RAPGEF2: variants seen among roughly 807,000 people sequenced by gnomAD.
RAPGEF2 encodes the protein PDZ domain containing guanine nucleotide exchange factor (GEF) 1.
Under a neutral mutation model 186.7 loss-of-function variants are expected in RAPGEF2, and 54 were observed. That is an observed-to-expected ratio of 0.29 (90% CI 0.23 to 0.36). RAPGEF2 has a LOEUF of 0.36. Among genes scored for constraint, RAPGEF2 ranks in the 10% least tolerant of loss-of-function variants. RAPGEF2 has a pLI of 1.00. For missense variants in RAPGEF2, 1,532 were observed against 2,045.0 expected, an observed-to-expected ratio of 0.75 and a Z score of 4.84; for synonymous variants, 712 against 705.9, an observed-to-expected ratio of 1.01 and a Z score of -0.14.
rs552737128 is a variant in RAPGEF2, at chr4:159,103,435, A to AGGC, written c.-712_-710dup. 0.01 allele frequency: 1,669 copies of AGGC among 159,360 alleles called. 32 individuals carry two copies. Among genetic ancestry groups the AGGC allele is most frequent in the African/African-American group, 0.038 (1,570 of 41,354 alleles). The allele number at this position is 159,360 out of a possible 1,614,324, so 9.9% of individuals were successfully genotyped here. A position where few individuals can be genotyped will look rare whatever the true frequency, so the allele number is the denominator to read the frequency against. On this transcript the variant is annotated 5_prime_UTR_variant, in exon 1 of 30. Transcript: ENST00000691494. The stretch of plus-strand genomic sequence containing the variant: ...CCCACAGCGGCGGCCCGAGCAGCAG[A>AGGC]GGCGGCGGCGGCGGCGGCTGGGCGG...
Position 159,339,476 on chromosome 4 carries a change from ATTG to A in RAPGEF2, c.2534+131_2534+133del, listed in dbSNP as rs533517540. The A allele has an allele frequency of 2.7e-4, 336 of 1,264,422 alleles. No homozygotes were observed. In the African/African-American group the frequency reaches 4.2e-3, roughly 16 times the overall value. 78.3% of individuals were successfully genotyped at this position (1,264,422 alleles called of 1,614,324 possible). A position where few individuals can be genotyped will look rare whatever the true frequency, so the allele number is the denominator to read the frequency against. On this transcript the variant is annotated intron_variant, in intron 19 of 29. Coordinates refer to ENST00000691494, the MANE Select transcript of RAPGEF2 (RefSeq NM_001394067.2). ...GTAAGTGTCCCTGCGATTAAAAAGT[ATTG>A]TTGTTGTTTTTTTTTTCCTTTCACC... is the stretch of plus-strand genomic sequence containing the variant.
chr4:159,202,128 AT>A (rs1220847389), intron 3 of RAPGEF2, among the ~76,000 whole-genome samples: 3 of 152,142 alleles, frequency 2.0e-5, no homozygotes, highest in Admixed American at 2.0e-4. Flanking sequence ...GTTTCTGGAC[AT>A]TTTGCCTATT....
At position 159,269,795 on chromosome 4, in the gene RAPGEF2, A is replaced by C. The variant is rs1368886626; in HGVS notation, c.543+26004A>C. On this transcript the variant is annotated intron_variant, in intron 7 of 29. Transcript: ENST00000691494. Reference sequence around the variant, plus strand: ...AGAGGCAGAGGTGGAAGGATTGCTTAAGGCCAGAAGTTTGCTACTATGGGC... The same window carrying C: ...AGAGGCAGAGGTGGAAGGATTGCTTCAGGCCAGAAGTTTGCTACTATGGGC... Among the ~76,000 whole-genome samples, 5 of 152,278 alleles carry C rather than the reference A, an allele frequency of 3.3e-5. No individual in the cohort carries two copies. The East Asian group carries it at 9.7e-4, about 29-fold the overall frequency.
rs941315748 is a variant in RAPGEF2, at chr4:159,268,020, T to C, written c.543+24229T>C. On this transcript the variant is annotated intron_variant, in intron 7 of 29. Coordinates refer to ENST00000691494, the MANE Select transcript of RAPGEF2 (RefSeq NM_001394067.2). ...TTTAAGCTTACCAGTAGTGACACTT[T>C]AAGCTGCAGCTTGGTTTTCCCTCCT... 23 of 1,450,878 alleles carry C rather than the reference T, an allele frequency of 1.6e-5. No homozygotes were observed. The Admixed American group carries it at 6.3e-4, about 40-fold the overall frequency. The allele number at this position is 1,450,878 out of a possible 1,614,324, so 89.9% of individuals were successfully genotyped here. A position where few individuals can be genotyped will look rare whatever the true frequency, so the allele number is the denominator to read the frequency against.
chr4:159,120,440 T>C (rs955671846), intron 1 of RAPGEF2, among the ~76,000 whole-genome samples: 5 of 152,218 alleles, frequency 3.3e-5, no homozygotes, highest in Non-Finnish European at 7.3e-5. Context: ...TTAAGAAAAA[T>C]AGTTTCATAT....
At chr4:159,252,966 CAA>C (rs1755648865) in intron 7 of RAPGEF2, among the ~76,000 whole-genome samples, 1 of 152,216 alleles carries the variant, frequency 6.6e-6, no homozygotes, top group African/African-American at 2.4e-5. Context: ...AAATATAAAA[CAA>C]ATTTATAAGA....
Position 159,358,493 on chromosome 4 carries a change from G to A in RAPGEF2, c.*354G>A. The A allele has an allele frequency of 7.9e-6, 2 of 253,566 alleles. No homozygotes were observed. Among genetic ancestry groups the A allele is most frequent in the Non-Finnish European group, 1.5e-5 (2 of 134,928 alleles). The allele number at this position is 253,566 out of a possible 1,614,324, so 15.7% of individuals were successfully genotyped here. ...GGCTGCACTTCTCAATGCCTGGAAGGATTTTTTTTAATCTTCCTTTTAGAT... is the reference window on the plus strand; with the variant it reads ...GGCTGCACTTCTCAATGCCTGGAAGAATTTTTTTTAATCTTCCTTTTAGAT... On this transcript the variant is annotated 3_prime_UTR_variant, in exon 30 of 30. Coordinates refer to ENST00000691494, the MANE Select transcript of RAPGEF2 (RefSeq NM_001394067.2).
At chr4:159,200,953 T>A (rs1012919615) in intron 3 of RAPGEF2, among the ~76,000 whole-genome samples, 1 of 152,148 alleles carries the variant, frequency 6.6e-6, no homozygotes, top group Admixed American at 6.6e-5. Context: ...TAATAAAATA[T>A]CAGTATTCCA....
In RAPGEF2 at chr4:159,136,298, T is replaced by A. The variant is rs147449000; in HGVS notation, c.69+32067T>A. 2.7e-3 allele frequency among the ~76,000 whole-genome samples: 410 copies of A among 152,306 alleles called. 1 individual carries two copies. Among genetic ancestry groups the A allele is most frequent in the African/African-American group, 9.2e-3 (383 of 41,552 alleles). Reference sequence around the variant, plus strand: ...GCAGAGTCATTATTCGTATTAGATTTGGGTGTGAAAGAAAGAGGACTTAAG... The same window carrying A: ...GCAGAGTCATTATTCGTATTAGATTAGGGTGTGAAAGAAAGAGGACTTAAG... On this transcript the variant is annotated intron_variant, in intron 1 of 29. Coordinates refer to ENST00000691494, the MANE Select transcript of RAPGEF2 (RefSeq NM_001394067.2).
At chr4:159,216,255 T>A (rs1579488656) in intron 4 of RAPGEF2, among the ~76,000 whole-genome samples, 1 of 152,022 alleles carries the variant, frequency 6.6e-6, no homozygotes, top group African/African-American at 2.4e-5. Flanking sequence ...GATGAGGCGG[T>A]TGCATAGGAA....
At chr4:159,170,241 G>T (rs13139868) in intron 1 of RAPGEF2, among the ~76,000 whole-genome samples, 73,164 of 151,822 alleles carry the variant, frequency 0.48, 19,316 homozygotes, top group African/African-American at 0.71. Context: ...TTCCTATTTT[G>T]AAATTGGGTT....
chr4:159,343,918 A>T, intron 22 of RAPGEF2, 118 bp from the exon 23 acceptor site: 4 of 1,003,232 alleles, frequency 4.0e-6, no homozygotes, highest in Non-Finnish European at 6.2e-6. Flanking sequence ...ATGCAGTTTA[A>T]TGTTTGTGGG....
intron 11 of RAPGEF2, chr4:159,328,021 C>T (rs1395648765): frequency 1.3e-5 from 2 of 151,936 alleles, no homozygotes; most frequent in African/African-American, 2.4e-5. Flanking sequence ...GCATTTTTCC[C>T]TTATATCTAC....
chr4:159,171,301 G>A (rs551497744), intron 1 of RAPGEF2, among the ~76,000 whole-genome samples: 18 of 152,248 alleles, frequency 1.2e-4, no homozygotes, highest in African/African-American at 4.1e-4. Flanking sequence ...TGTTCCACAT[G>A]CCAGTGTTCA....
At position 159,346,945 on chromosome 4, in the gene RAPGEF2, T is replaced by C. The variant is rs1326499282; in HGVS notation, c.3659T>C (p.Val1220Ala). 2 of 1,614,122 alleles carry C rather than the reference T, an allele frequency of 1.2e-6. No individual in the cohort carries two copies. The highest frequency in any genetic ancestry group is 1.7e-6 in the Non-Finnish European group (2 of 1,180,036). ...KINQGLQVPA[V>A]SLYPSRKKVP... ...AACCAGGGACTACAGGTTCCCGCCG[T>C]GTCCCTTTATCCTTCACGGAAGAAA... Residue 1220 changes from valine to alanine, a missense_variant, in exon 25 of 30, where the codon GTG becomes GCG. Physicochemically the swap from Val to Ala is moderately conservative, Grantham distance 64. Transcript: ENST00000691494.
chr4:159,324,240 C>A (rs1765631756), intron 11 of RAPGEF2, among the ~76,000 whole-genome samples: 1 of 151,408 alleles, frequency 6.6e-6, no homozygotes, highest in African/African-American at 2.4e-5. Context: ...GTTGGCCAGG[C>A]TGGTCTCAAA....
At position 159,323,595 on chromosome 4, in the gene RAPGEF2, G is replaced by A; in HGVS notation, c.1127G>A (p.Arg376Lys). Residue 376 changes from arginine to lysine, a missense_variant, in exon 11 of 30, where the codon AGA becomes AAA. Physicochemically the swap from Arg to Lys is conservative, Grantham distance 26. Around this residue, in one of 4 missense-constraint regions of RAPGEF2, gnomAD observed 810 missense variants for 1,210.5 expected, o/e 0.67. Transcript: ENST00000691494. ...MDKEYMKGVM[R>K]TKVDDCQFVC... ...AAAGAATACATGAAAGGAGTGATGA[G>A]AACAAAGGTGGATGACTGCCAGGTA... 6.3e-7 allele frequency: 1 copy of A among 1,581,064 alleles called. No individual in the cohort carries two copies. The highest frequency in any genetic ancestry group is 1.4e-5 in the African/African-American group (1 of 73,610).
intron 12 of RAPGEF2, 73 bp downstream of exon 12, chr4:159,330,083 T>A: frequency 6.7e-7 from 1 of 1,496,526 alleles, no homozygotes; most frequent in Non-Finnish European, 9.0e-7. Context: ...AGTTTAGGAT[T>A]TTTTTTCATT....
chr4:159,350,607 G>T (rs1317757241), intron 26 of RAPGEF2, among the ~76,000 whole-genome samples: 1 of 152,112 alleles, frequency 6.6e-6, no homozygotes, highest in Non-Finnish European at 1.5e-5. Flanking sequence ...TTGGTTATAT[G>T]ACATTAGTAC....
Sources: allele counts gnomAD v4.1 joint callset (sites outside exome capture counted in the v4.1 genomes callset), GRCh38; gene constraint gnomAD v4.1.1; regional missense constraint gnomAD v4.1.1; transcripts MANE v1.5; gene names NCBI Gene and HGNC (gene_info 2026-07-23, HGNC 2026-07-21).